Variants in CDH8 observed in about 807,000 individuals in gnomAD.
The protein encoded by CDH8 is cadherin-8.
A neutral mutation model predicts 68.1 loss-of-function variants in CDH8; 17 were observed. The observed-to-expected ratio is 0.25, with a 90% CI of 0.17 to 0.37. CDH8 has a LOEUF of 0.37. Among genes scored for constraint, CDH8 ranks in the 10% least tolerant of loss-of-function variants. The pLI is 1.00. For synonymous variants in CDH8, 372 were observed against 365.1 expected, an observed-to-expected ratio of 1.02 and a Z score of -0.21; for missense variants, 763 against 999.3, an observed-to-expected ratio of 0.76 and a Z score of 3.19.
intron 2 of CDH8, among the ~76,000 whole-genome samples, chr16:61,956,827 G>A (rs758848052): frequency 2.0e-5 from 3 of 152,058 alleles, no homozygotes; most frequent in Non-Finnish European, 4.4e-5. Context: ...TCATGTAGGT[G>A]GTCTAGTTTG....
At chr16:61,882,768 G>A (rs2143139712) in intron 3 of CDH8, among the ~76,000 whole-genome samples, 1 of 152,174 alleles carries the variant, frequency 6.6e-6, no homozygotes, top group Admixed American at 6.6e-5. Context: ...AAGAAGTCAT[G>A]GATACTAGGC....
Position 61,652,083 on chromosome 16 carries a change from A to C in CDH8, c.*1525T>G. 1 of 903,736 alleles carries C rather than the reference A, an allele frequency of 1.1e-6. No homozygotes were observed. Among genetic ancestry groups the C allele is most frequent in the African/African-American group, 1.8e-5 (1 of 55,648 alleles). The allele number at this position is 903,736 out of a possible 1,614,324, so 56.0% of individuals were successfully genotyped here. On this transcript the variant is annotated 3_prime_UTR_variant, in exon 12 of 12. Transcript: ENST00000577390. ...TCTCTGAATACAATACATGGAGTGA[A>C]TAAACAATATTGCATTAAAGCAAAG... is the stretch of plus-strand genomic sequence containing the variant.
chr16:61,749,246 A>G (rs1388969067), intron 8 of CDH8, among the ~76,000 whole-genome samples: 2 of 152,050 alleles, frequency 1.3e-5, no homozygotes, highest in African/African-American at 4.8e-5. Flanking sequence ...GAGCAAGACC[A>G]ATATGAATGA....
At chr16:61,776,415 T>TA (rs11409828) in intron 8 of CDH8, among the ~76,000 whole-genome samples, 6,589 of 151,562 alleles carry the variant, frequency 0.043, 392 homozygotes, top group East Asian at 0.23. Context: ...TCTATTGTTA[T>TA]AAAAAAAAAT....
intron 6 of CDH8, 116 bp from the exon 7 acceptor site, chr16:61,817,848 A>G (rs949291174): frequency 1.0e-6 from 1 of 960,540 alleles, no homozygotes; most frequent in Non-Finnish European, 1.5e-6. Flanking sequence ...TGTGAGCCTT[A>G]ATGGGATCAC....
At chr16:61,663,547 T>G (rs997827794) in intron 10 of CDH8, among the ~76,000 whole-genome samples, 1 of 152,062 alleles carries the variant, frequency 6.6e-6, no homozygotes, top group African/African-American at 2.4e-5. Flanking sequence ...TCCCAGTCTG[T>G]AGCACAGGAC....
chr16:61,771,471 C>CAA (rs1335966460), intron 8 of CDH8, among the ~76,000 whole-genome samples: 1 of 78,120 alleles, frequency 1.3e-5, no homozygotes, highest in African/African-American at 6.8e-5. Flanking sequence ...TAAAAGCCAG[C>CAA]CAAAAAAAAA....
intron 3 of CDH8, among the ~76,000 whole-genome samples, chr16:61,868,818 C>T (rs576929952): frequency 3.3e-5 from 5 of 152,190 alleles, no homozygotes; most frequent in African/African-American, 1.2e-4. Context: ...GTATTGAAAA[C>T]TCTACGTGAC....
At chr16:61,823,245 T>G (rs1278365992) in intron 5 of CDH8, among the ~76,000 whole-genome samples, 1 of 151,834 alleles carries the variant, frequency 6.6e-6, no homozygotes, top group African/African-American at 2.4e-5. Flanking sequence ...ACCTCAAATG[T>G]GTCATTTTCA....
intron 4 of CDH8, among the ~76,000 whole-genome samples, chr16:61,855,899 T>C (rs1963036237): frequency 6.6e-6 from 1 of 152,058 alleles, no homozygotes. Context: ...TGAGAAAAAG[T>C]TTAGAACAGA....
chr16:61,846,642 CAGAAA>C (rs1229527541), intron 4 of CDH8, among the ~76,000 whole-genome samples: 1 of 151,998 alleles, frequency 6.6e-6, no homozygotes, highest in African/African-American at 2.4e-5. Context: ...GGGTACTTCT[CAGAAA>C]TTAATTTGCC....
chr16:62,013,926 T>C (rs1195662183), intron 2 of CDH8, among the ~76,000 whole-genome samples: 1 of 152,220 alleles, frequency 6.6e-6, no homozygotes, highest in Admixed American at 6.5e-5. Flanking sequence ...CTTCATGAGA[T>C]GACTCTCAAA....
chr16:61,877,986 G>A (rs1020821266), intron 3 of CDH8, among the ~76,000 whole-genome samples: 1 of 152,142 alleles, frequency 6.6e-6, no homozygotes, highest in African/African-American at 2.4e-5. Context: ...GTTGCTGTGT[G>A]CAAATCACTC....
At chr16:61,815,140 A>T (rs1457977489) in intron 7 of CDH8, among the ~76,000 whole-genome samples, 1 of 152,158 alleles carries the variant, frequency 6.6e-6, no homozygotes, top group Non-Finnish European at 1.5e-5. Flanking sequence ...GTCATCAAAT[A>T]GTGCTTTATC....
intron 10 of CDH8, among the ~76,000 whole-genome samples, chr16:61,689,263 G>A (rs1964169940): frequency 2.6e-5 from 4 of 151,990 alleles, no homozygotes; most frequent in African/African-American, 9.7e-5. Context: ...TAGCTCTTCT[G>A]TCATCTTGGA....
intron 4 of CDH8, among the ~76,000 whole-genome samples, chr16:61,848,823 A>G (rs117004720): frequency 0.02 from 3,039 of 152,188 alleles, 54 homozygotes; most frequent in Non-Finnish European, 0.029. Context: ...GGTACAAGTA[A>G]AATTAGTCAC....
chr16:62,030,503 T>C (rs958141990), intron 1 of CDH8, among the ~76,000 whole-genome samples: 2 of 152,184 alleles, frequency 1.3e-5, no homozygotes, highest in African/African-American at 4.8e-5. Flanking sequence ...TCGTACTTTA[T>C]AAATCAAATT....
intron 2 of CDH8, among the ~76,000 whole-genome samples, chr16:61,948,804 A>G (rs1964840561): frequency 6.6e-6 from 1 of 152,196 alleles, no homozygotes; most frequent in Non-Finnish European, 1.5e-5. Flanking sequence ...ATTTTTGACA[A>G]AAATAGAAAG....
At chr16:61,943,546 CA>C (rs1384473485) in intron 2 of CDH8, among the ~76,000 whole-genome samples, 1 of 152,212 alleles carries the variant, frequency 6.6e-6, no homozygotes, top group Non-Finnish European at 1.5e-5. Context: ...TACTCTGACA[CA>C]AAACCTAACT....
Sources: allele counts gnomAD v4.1 joint callset (sites outside exome capture counted in the v4.1 genomes callset), GRCh38; gene constraint gnomAD v4.1.1; transcripts MANE v1.5; gene names NCBI Gene and HGNC (gene_info 2026-07-23, HGNC 2026-07-21).